Variants in NR5A2 observed in about 807,000 individuals in gnomAD.
NR5A2 encodes CYP7A promoter-binding factor.
Under a neutral mutation model 62.7 loss-of-function variants are expected in NR5A2, and 26 were observed. The observed-to-expected ratio is 0.41, with a 90% CI of 0.30 to 0.58. The LOEUF is 0.58. NR5A2 is among the 20% of genes least tolerant of loss of function. The pLI is 0.22. For missense variants in NR5A2, 541 were observed against 669.1 expected (o/e 0.81, Z 2.11); for synonymous variants, 246 against 241.7 (o/e 1.02, Z -0.16).
intron 5 of NR5A2, among the ~76,000 whole-genome samples, chr1:200,079,869 A>T (rs996968399): frequency 5.4e-5 from 2 of 37,022 alleles, no homozygotes; most frequent in Non-Finnish European, 1.1e-4. Flanking sequence ...GCCTTGTTAT[A>T]AAAAAAAAAA....
intron 5 of NR5A2, among the ~76,000 whole-genome samples, chr1:200,073,290 A>ATATATATT (rs1286285768): frequency 4.1e-5 from 3 of 72,832 alleles, no homozygotes; most frequent in African/African-American, 6.3e-5. Context: ...ATATATATAT[A>ATATATATT]TTCCCCTTTA....
At chr1:200,114,233 T>TAC (rs370388020) in intron 6 of NR5A2, among the ~76,000 whole-genome samples, 54,212 of 105,824 alleles carry the variant, frequency 0.51, 10,097 homozygotes, top group Admixed American at 0.56. Flanking sequence ...TATATATATA[T>TAC]ACACACACAC....
intron 6 of NR5A2, 150 bp downstream of exon 6, chr1:200,111,471 T>C (rs1665955047): frequency 2.5e-6 from 2 of 799,512 alleles, no homozygotes; most frequent in African/African-American, 1.8e-5. Context: ...TGGTGCACTC[T>C]GTTCCTGCTC....
rs933588995 is a variant in NR5A2 at position 200,168,066 on chromosome 1, T to C, written c.1379-5897T>C. Among the ~76,000 whole-genome samples, 27 of 152,272 alleles carry C rather than the reference T, an allele frequency of 1.8e-4. 1 individual carries two copies. Among genetic ancestry groups the C allele is most frequent in the African/African-American group, 6.3e-4 (26 of 41,554 alleles). ...ATGAATAAATGAATGAATGAATGAA[T>C]GAATGTGTATACATTGTGTATACAC... On this transcript the variant is annotated intron_variant, in intron 7 of 7. Coordinates refer to ENST00000367362, the MANE Select transcript of NR5A2 (RefSeq NM_205860.3).
At chr1:200,155,404 A>G (rs957771279) in intron 7 of NR5A2, among the ~76,000 whole-genome samples, 4 of 152,252 alleles carry the variant, frequency 2.6e-5, no homozygotes, top group Admixed American at 2.0e-4. Context: ...TGTAATAATT[A>G]TACAGTAGAC....
rs182043170 is a variant in NR5A2 at position 200,117,799 on chromosome 1, C to T, written c.1231-3009C>T. Reference sequence around the variant, plus strand: ...CGCAATCTCGGCTCACTGCAACCTCCGCCTCCTGGGTTCAAACGATTCTCC... The same window carrying T: ...CGCAATCTCGGCTCACTGCAACCTCTGCCTCCTGGGTTCAAACGATTCTCC... On this transcript the variant is annotated intron_variant, in intron 6 of 7. Transcript: ENST00000367362. 7.6e-3 allele frequency among the ~76,000 whole-genome samples: 1,150 copies of T among 151,954 alleles called. 8 individuals carry two copies. The highest frequency in any genetic ancestry group is 0.013 in the Non-Finnish European group (869 of 67,956).
intron 7 of NR5A2, among the ~76,000 whole-genome samples, chr1:200,142,400 C>G (rs1033176644): frequency 6.6e-6 from 1 of 151,740 alleles, no homozygotes; most frequent in Non-Finnish European, 1.5e-5. Context: ...GGTTTCCCAT[C>G]TTGGCCAGGT....
At chr1:200,135,526 A>G (rs926044238) in intron 7 of NR5A2, among the ~76,000 whole-genome samples, 12 of 150,958 alleles carry the variant, frequency 7.9e-5, no homozygotes, top group Non-Finnish European at 1.3e-4. Context: ...ATCTCCAAAA[A>G]AAAAAAAAGA....
At chr1:200,033,378 AG>A (rs1219292169) in intron 1 of NR5A2, among the ~76,000 whole-genome samples, 3 of 152,146 alleles carry the variant, frequency 2.0e-5, no homozygotes, top group African/African-American at 7.2e-5. Flanking sequence ...AGGAGGGGAT[AG>A]GGAAAGACAA....
rs60736317 is a variant in NR5A2, at chr1:200,060,939, T to TAA, written c.1110+12143_1110+12144dup. On this transcript the variant is annotated intron_variant, in intron 5 of 7. Coordinates refer to ENST00000367362, the MANE Select transcript of NR5A2 (RefSeq NM_205860.3). ...CAAGATGGTGAAACCCCATCTCTAC[T>TAA]AAAAAAAAAAAAAAAAAAAAAAATA... Among the ~76,000 whole-genome samples the TAA allele has an allele frequency of 7.8e-3, 688 of 87,814 alleles. 8 individuals are homozygous for TAA. The highest frequency in any genetic ancestry group is 0.017 in the South Asian group (40 of 2,356). The allele number at this position is 87,814 out of a possible 152,430, so 57.6% of individuals were successfully genotyped here.
intron 7 of NR5A2, among the ~76,000 whole-genome samples, chr1:200,135,559 A>G (rs1667187168): frequency 6.6e-6 from 1 of 151,788 alleles, no homozygotes; most frequent in Non-Finnish European, 1.5e-5. Flanking sequence ...AGAAGAATGC[A>G]TGAATGAGGA....
At chr1:200,161,034 CG>C (rs1346933269) in intron 7 of NR5A2, among the ~76,000 whole-genome samples, 2 of 151,490 alleles carry the variant, frequency 1.3e-5, no homozygotes, top group African/African-American at 4.9e-5. Context: ...CTGCTCTTTA[CG>C]AATGTGGATG....
chr1:200,093,258 T>C (rs1048370087), intron 5 of NR5A2, among the ~76,000 whole-genome samples: 1 of 152,136 alleles, frequency 6.6e-6, no homozygotes, highest in African/African-American at 2.4e-5. Flanking sequence ...TCTTCAGGAC[T>C]CAGGAGTCTC....
At chr1:200,078,037 TAAAG>T (rs1368643122) in intron 5 of NR5A2, among the ~76,000 whole-genome samples, 1 of 152,220 alleles carries the variant, frequency 6.6e-6, no homozygotes, top group East Asian at 1.9e-4. Context: ...AGAAGCTAGT[TAAAG>T]AAAGTTAGTA....
At chr1:200,062,154 T>C (rs144635776) in intron 5 of NR5A2, among the ~76,000 whole-genome samples, 5 of 152,122 alleles carry the variant, frequency 3.3e-5, no homozygotes, top group Admixed American at 1.3e-4. Flanking sequence ...ACAGGCACAC[T>C]CATATTCATT....
At chr1:200,153,640 A>T (rs1653237697) in intron 7 of NR5A2, among the ~76,000 whole-genome samples, 1 of 152,164 alleles carries the variant, frequency 6.6e-6, no homozygotes, top group African/African-American at 2.4e-5. Context: ...TACATCTAGT[A>T]GCTGTTTAAT....
chr1:200,051,984 A>G (rs1477771075), intron 5 of NR5A2, among the ~76,000 whole-genome samples: 1 of 152,162 alleles, frequency 6.6e-6, no homozygotes, highest in African/African-American at 2.4e-5. Flanking sequence ...GTTTCACCAG[A>G]TAGTACATAA....
intron 5 of NR5A2, among the ~76,000 whole-genome samples, chr1:200,099,480 G>A (rs1162437610): frequency 6.6e-6 from 1 of 151,996 alleles, no homozygotes; most frequent in African/African-American, 2.4e-5. Context: ...ACTATGCCAA[G>A]GACCTTCATT....
At chr1:200,052,734 T>C (rs529275399) in intron 5 of NR5A2, among the ~76,000 whole-genome samples, 38 of 152,208 alleles carry the variant, frequency 2.5e-4, no homozygotes, top group South Asian at 1.5e-3. Context: ...CTCCGCCTCT[T>C]GGGTTCACGC....
Sources: allele counts gnomAD v4.1 joint callset (sites outside exome capture counted in the v4.1 genomes callset), GRCh38; gene constraint gnomAD v4.1.1; transcripts MANE v1.5; gene names NCBI Gene and HGNC (gene_info 2026-07-23, HGNC 2026-07-21).